The following GLRA1 variants were observed in gnomAD, a reference collection of about 807,000 sequenced individuals.
The protein encoded by GLRA1 is glycine receptor subunit alpha-1.
In GLRA1, 37 loss-of-function variants were observed where a neutral mutation model predicts 48.3. That is an observed-to-expected ratio of 0.77 (90% CI 0.59 to 1.01). The LOEUF is 1.01. GLRA1 is among the 50% of genes least tolerant of loss of function. The probability of loss-of-function intolerance (pLI) is 0.00; values close to 1 mark genes in which losing one functional copy is unlikely to be tolerated. For synonymous variants in GLRA1, 196 were observed against 210.7 expected (o/e 0.93, Z 0.60); for missense variants, 427 against 571.0 (o/e 0.75, Z 2.57).
intron 3 of GLRA1, among the ~76,000 whole-genome samples, chr5:151,864,007 C>A (rs1274335079): frequency 1.3e-5 from 2 of 152,198 alleles, no homozygotes; most frequent in Non-Finnish European, 2.9e-5. Flanking sequence ...GGAAGAACTT[C>A]AGGCCTGGCC....
At chr5:151,844,621 C>CAAAAAAAAAAAAAAAAAAAAAAAAAAA (rs202218874) in intron 7 of GLRA1, among the ~76,000 whole-genome samples, 2 of 49,742 alleles carry the variant, frequency 4.0e-5, no homozygotes, top group African/African-American at 7.2e-5. Context: ...TACTCTATCT[C>CAAAAAAAAAAAAAAAAAAAAAAAAAAA]AAAAAAAAAA....
At chr5:151,827,465 A>C (rs1763302990) in intron 8 of GLRA1, among the ~76,000 whole-genome samples, 1 of 152,164 alleles carries the variant, frequency 6.6e-6, no homozygotes. Context: ...AATCCTTGGC[A>C]CTTGTGCGGC....
intron 1 of GLRA1, among the ~76,000 whole-genome samples, chr5:151,900,102 A>G (rs1319247465): frequency 6.6e-6 from 1 of 152,114 alleles, no homozygotes; most frequent in Non-Finnish European, 1.5e-5. Context: ...CCTTCCATCC[A>G]CTAACTCTCC....
At chr5:151,921,093 G>C (rs1754862715) in intron 1 of GLRA1, among the ~76,000 whole-genome samples, 1 of 152,230 alleles carries the variant, frequency 6.6e-6, no homozygotes, top group African/African-American at 2.4e-5. Context: ...GTGCAAGGAA[G>C]CATCTACTGG....
intron 1 of GLRA1, among the ~76,000 whole-genome samples, chr5:151,916,673 T>C (rs947576624): frequency 8.5e-5 from 13 of 152,194 alleles, no homozygotes; most frequent in African/African-American, 2.9e-4. Context: ...AGATTATCTT[T>C]GGAGAAAGAA....
intron 1 of GLRA1, among the ~76,000 whole-genome samples, chr5:151,894,702 G>C (rs944210657): frequency 5.3e-5 from 8 of 152,190 alleles, no homozygotes; most frequent in African/African-American, 1.9e-4. Context: ...CATAATTGGT[G>C]CTCAGTAATT....
intron 1 of GLRA1, among the ~76,000 whole-genome samples, chr5:151,893,287 T>G (rs144870668): frequency 2.2e-5 from 1 of 45,910 alleles, no homozygotes; most frequent in Non-Finnish European, 4.6e-5. Context: ...TGCCCAACTT[T>G]CTTTCTTTCT....
At chr5:151,900,006 G>A (rs915383622) in intron 1 of GLRA1, among the ~76,000 whole-genome samples, 10 of 152,056 alleles carry the variant, frequency 6.6e-5, no homozygotes, top group Admixed American at 1.3e-4. Context: ...ATCTCATCTG[G>A]TTCTGCCTCT....
At chr5:151,849,116 C>CTTTCTTTTCTTTTCTTTTCT (rs1312011758) in intron 7 of GLRA1, 1 of 186,004 alleles carries the variant, frequency 5.4e-6, no homozygotes, top group African/African-American at 5.3e-5. Context: ...TTCTTTCTTT[C>CTTTCTTTTCTTTTCTTTTCT]TTTCTTTCTT....
chr5:151,913,452 T>C (rs1248685630), intron 1 of GLRA1, among the ~76,000 whole-genome samples: 1 of 152,128 alleles, frequency 6.6e-6, no homozygotes, highest in East Asian at 1.9e-4. Context: ...CCATTTTGGG[T>C]TGGAATTCAG....
chr5:151,866,679 T>C (rs1753344875), intron 3 of GLRA1, among the ~76,000 whole-genome samples: 1 of 152,132 alleles, frequency 6.6e-6, no homozygotes, highest in Non-Finnish European at 1.5e-5. Flanking sequence ...TGAGGCTGAT[T>C]GGGAGTACAG....
intron 7 of GLRA1, among the ~76,000 whole-genome samples, chr5:151,845,038 A>C (rs2113325424): frequency 6.6e-6 from 1 of 152,262 alleles, no homozygotes; most frequent in Admixed American, 6.5e-5. Context: ...ATTTATTTTT[A>C]AATTTTATTT....
Position 151,884,427 on chromosome 5 carries a change from T to TCAAAACAAAA in GLRA1, c.252+2284_252+2293dup, listed in dbSNP as rs70976031. Among the ~76,000 whole-genome samples the TCAAAACAAAA allele has an allele frequency of 2.0e-3, 302 of 148,820 alleles. 1 individual carries two copies. The highest frequency in any genetic ancestry group is 3.4e-3 in the Middle Eastern group (1 of 294). Reference sequence around the variant, plus strand: ...CTGGGCAACAGGGTGAAACTCTGTCTCAAAACAAAACAAAACAAAACAAAA... The same window carrying TCAAAACAAAA: ...CTGGGCAACAGGGTGAAACTCTGTCTCAAAACAAAACAAAACAAAACAAAACAAAACAAAA... On this transcript the variant is annotated intron_variant, in intron 3 of 8. Coordinates refer to ENST00000274576, the MANE Select transcript of GLRA1 (RefSeq NM_000171.4).
chr5:151,912,775 G>A (rs371628943), intron 1 of GLRA1, among the ~76,000 whole-genome samples: 1 of 152,192 alleles, frequency 6.6e-6, no homozygotes, highest in Non-Finnish European at 1.5e-5. Flanking sequence ...TATCTATGAG[G>A]GGGTAGTGGA....
chr5:151,899,397 A>T (rs908329626), intron 1 of GLRA1, among the ~76,000 whole-genome samples: 1 of 152,156 alleles, frequency 6.6e-6, no homozygotes, highest in African/African-American at 2.4e-5. Flanking sequence ...TATTCAGGGG[A>T]GAAAGCTTTC....
chr5:151,861,706 A>ACTTACAAGGGATGTAAG (rs1220007395), intron 3 of GLRA1, among the ~76,000 whole-genome samples: 4 of 152,204 alleles, frequency 2.6e-5, no homozygotes, highest in African/African-American at 9.7e-5. Flanking sequence ...TAAAATACCT[A>ACTTACAAGGGATGTAAG]GGAATCCAAC....
At chr5:151,837,477 A>G (rs1410836438) in intron 7 of GLRA1, among the ~76,000 whole-genome samples, 1 of 152,228 alleles carries the variant, frequency 6.6e-6, no homozygotes, top group Non-Finnish European at 1.5e-5. Context: ...TACCCAAAGG[A>G]TTATAAATCA....
rs1294367941 is a variant in GLRA1 at position 151,829,086 on chromosome 5, A to C, written c.913-19T>G. ...AGGACACCTAGAGTGGGGGTGGAGGAGAAACAGGGAGGTGAAAGCAGGGGA... is the reference window on the plus strand; with the variant it reads ...AGGACACCTAGAGTGGGGGTGGAGGCGAAACAGGGAGGTGAAAGCAGGGGA... On this transcript the variant is annotated intron_variant, in intron 7 of 8. Coordinates refer to ENST00000274576, the MANE Select transcript of GLRA1 (RefSeq NM_000171.4). The C allele has an allele frequency of 6.2e-7, 1 of 1,612,710 alleles. No homozygotes were observed.
chr5:151,826,685 A>G (rs1291247326), intron 8 of GLRA1, among the ~76,000 whole-genome samples: 1 of 152,220 alleles, frequency 6.6e-6, no homozygotes, highest in East Asian at 1.9e-4. Flanking sequence ...TTCACACTTT[A>G]TCTGGCCAGA....
Sources: gnomAD v4.1 joint callset for allele counts (sites outside exome capture counted in the v4.1 genomes callset) on GRCh38, gnomAD v4.1.1 for gene constraint, MANE v1.5 for transcripts, NCBI Gene and HGNC (gene_info 2026-07-23, HGNC 2026-07-21) for gene names.